SDK1: variants seen among roughly 807,000 people sequenced by gnomAD.
SDK1 encodes the protein protein sidekick-1.
SDK1 carries 157 observed loss-of-function variants against 245.5 expected under a neutral mutation model. The ratio of observed to expected loss-of-function variants is 0.64; its 90% CI spans 0.56 to 0.73. SDK1 has a LOEUF of 0.73. SDK1 is among the 30% of genes least tolerant of loss of function. SDK1 has a pLI of 0.00. For synonymous variants in SDK1, 1,647 were observed against 1,278.5 expected (o/e 1.29, Z -6.15); for missense variants, 3,583 against 3,002.3 (o/e 1.19, Z -4.52).
chr7:3,405,887 A>T (rs1465369330), intron 1 of SDK1, among the ~76,000 whole-genome samples: 1 of 142,314 alleles, frequency 7.0e-6, no homozygotes, highest in Admixed American at 7.5e-5. Flanking sequence ...TTCTCAGCTC[A>T]CTGCAACCTC....
At chr7:3,678,858 A>G (rs1025149442) in intron 4 of SDK1, among the ~76,000 whole-genome samples, 1 of 152,218 alleles carries the variant, frequency 6.6e-6, no homozygotes, top group African/African-American at 2.4e-5. Flanking sequence ...ATGGTGCTGG[A>G]GCAATTGGGT....
At chr7:3,550,563 T>C (rs1273979634) in intron 1 of SDK1, among the ~76,000 whole-genome samples, 1 of 152,192 alleles carries the variant, frequency 6.6e-6, no homozygotes, top group African/African-American at 2.4e-5. Context: ...TCTTTGCCTA[T>C]TTATCATATC....
At chr7:3,424,289 G>A (rs1188722812) in intron 1 of SDK1, among the ~76,000 whole-genome samples, 1 of 152,108 alleles carries the variant, frequency 6.6e-6, no homozygotes. Context: ...GTGCCCATAT[G>A]TGTGATAATC....
chr7:3,874,625 G>A (rs951319467), intron 5 of SDK1, among the ~76,000 whole-genome samples: 5 of 152,092 alleles, frequency 3.3e-5, no homozygotes, highest in Non-Finnish European at 5.9e-5. Flanking sequence ...CCTATCTGCA[G>A]TGCGATCCCA....
At chr7:4,178,790 T>A (rs1465156778) in intron 35 of SDK1, among the ~76,000 whole-genome samples, 1 of 152,364 alleles carries the variant, frequency 6.6e-6, no homozygotes, top group East Asian at 1.9e-4. Context: ...CTTCAGTGAA[T>A]GGTCAAGTCT....
intron 1 of SDK1, among the ~76,000 whole-genome samples, chr7:3,441,231 A>G (rs1436542590): frequency 6.6e-6 from 1 of 152,182 alleles, no homozygotes; most frequent in Non-Finnish European, 1.5e-5. Context: ...TTTATAAATT[A>G]AACTGTATCA....
intron 5 of SDK1, among the ~76,000 whole-genome samples, chr7:3,928,630 T>TGG (rs142247801): frequency 4.0e-5 from 6 of 149,848 alleles, no homozygotes; most frequent in African/African-American, 1.2e-4. Flanking sequence ...AGTTTTTTTT[T>TGG]GGGGGGGGTG....
rs567373763 is a variant in SDK1 at position 3,667,011 on chromosome 7, G to A, written c.713+24906G>A. ...GTTTGGTGTTTTGGGGTGTTCTTAC[G>A]GTTTGGGAAATTTTATGCTAAGGAC... On this transcript the variant is annotated intron_variant, in intron 4 of 44. Transcript: ENST00000404826. Among the ~76,000 whole-genome samples the A allele has an allele frequency of 6.6e-5, 10 of 151,878 alleles. No individual in the cohort carries two copies. The South Asian group carries it at 8.3e-4, about 13-fold the overall frequency.
chr7:3,868,774 G>A (rs1780884574), intron 5 of SDK1, among the ~76,000 whole-genome samples: 1 of 152,104 alleles, frequency 6.6e-6, no homozygotes, highest in South Asian at 2.1e-4. Flanking sequence ...CCTTTAATTT[G>A]CACACATAGG....
chr7:3,578,364 G>A (rs10238142), intron 1 of SDK1, among the ~76,000 whole-genome samples: 68,059 of 151,834 alleles, frequency 0.45, 16,056 homozygotes, highest in South Asian at 0.67. Context: ...CTAAGATCAC[G>A]TGCTTCTGCG....
chr7:4,053,396 T>C (rs1391585408), intron 19 of SDK1, among the ~76,000 whole-genome samples: 1 of 152,086 alleles, frequency 6.6e-6, no homozygotes, highest in Non-Finnish European at 1.5e-5. Context: ...GTATGGCCTT[T>C]CTAAGGGTCC....
chr7:3,465,966 G>A (rs1025144495), intron 1 of SDK1, among the ~76,000 whole-genome samples: 4 of 151,850 alleles, frequency 2.6e-5, no homozygotes, highest in Admixed American at 2.6e-4. Flanking sequence ...CACTCTTTTT[G>A]TTTGTTTGTT....
intron 1 of SDK1, among the ~76,000 whole-genome samples, chr7:3,359,224 C>CT (rs916188117): frequency 1.4e-4 from 21 of 152,098 alleles, no homozygotes; most frequent in African/African-American, 4.6e-4. Flanking sequence ...AAGTGGCCCC[C>CT]TTCCTGGCAC....
intron 1 of SDK1, among the ~76,000 whole-genome samples, chr7:3,545,621 G>T (rs1422117371): frequency 6.6e-6 from 1 of 152,190 alleles, no homozygotes; most frequent in Non-Finnish European, 1.5e-5. Context: ...TGATTGAAAT[G>T]AAACCACCTG....
chr7:4,083,386 A>G (rs1016141070), intron 22 of SDK1, among the ~76,000 whole-genome samples: 4 of 152,022 alleles, frequency 2.6e-5, no homozygotes, highest in African/African-American at 9.7e-5. Context: ...GAGAAAACCC[A>G]GCCAGTCATC....
At chr7:4,175,633 T>G (rs1584371573) in intron 33 of SDK1, 142 bp from the exon 34 acceptor site, 9 of 733,688 alleles carry the variant, frequency 1.2e-5, no homozygotes, top group Non-Finnish European at 2.5e-6. Flanking sequence ...GGTAGCGGGG[T>G]CTTTATTGCC....
chr7:3,476,394 A>G (rs995127329), intron 1 of SDK1, among the ~76,000 whole-genome samples: 6 of 152,212 alleles, frequency 3.9e-5, no homozygotes, highest in African/African-American at 1.4e-4. Context: ...GGTGAGTGGT[A>G]GTTCCAGTAC....
chr7:3,845,963 A>T (rs1422373556), intron 5 of SDK1, among the ~76,000 whole-genome samples: 2 of 152,216 alleles, frequency 1.3e-5, no homozygotes, highest in Non-Finnish European at 2.9e-5. Context: ...AATCCCATTT[A>T]ATAATTTTAG....
intron 5 of SDK1, among the ~76,000 whole-genome samples, chr7:3,931,440 CT>C (rs1408072047): frequency 6.6e-6 from 1 of 152,152 alleles, no homozygotes; most frequent in African/African-American, 2.4e-5. Flanking sequence ...GGTTCAAAAC[CT>C]TATGGGGCTT....
Sources: allele counts gnomAD v4.1 joint callset (sites outside exome capture counted in the v4.1 genomes callset), GRCh38; gene constraint gnomAD v4.1.1; transcripts MANE v1.5; gene names NCBI Gene and HGNC (gene_info 2026-07-23, HGNC 2026-07-21).